The following COP1 variants were observed in gnomAD, a reference collection of about 807,000 sequenced individuals.
COP1 encodes E3 ubiquitin-protein ligase COP1.
Under a neutral mutation model 101.3 loss-of-function variants are expected in COP1, and 24 were observed. The ratio of observed to expected loss-of-function variants is 0.24; its 90% CI spans 0.17 to 0.33. The LOEUF (loss-of-function observed/expected upper bound fraction) is 0.33. COP1 is among the 10% of genes least tolerant of loss of function. The pLI, the probability that COP1 is intolerant of heterozygous loss-of-function variation, is 1.00. For missense variants in COP1, 663 were observed against 906.2 expected (o/e 0.73, Z 3.45); for synonymous variants, 347 against 341.9 (o/e 1.01, Z -0.17).
chr1:176,049,178 CAAAAAAAAA>C (rs61267982), intron 11 of COP1, among the ~76,000 whole-genome samples: 2,384 of 118,336 alleles, frequency 0.02, 29 homozygotes, highest in Non-Finnish European at 0.028. Context: ...GACTCCGTCT[CAAAAAAAAA>C]AAAAAAAAAA....
In COP1 at chr1:176,003,669, G is replaced by A. The variant is rs1236229780; in HGVS notation, c.1730-14190C>T. ...AGAGATCAGATAGTTGTAGATACGT[G>A]GCGTTATTTCTGAGGGCTCTGTTCT... is the stretch of plus-strand genomic sequence containing the variant. On this transcript the variant is annotated intron_variant, in intron 15 of 19. Coordinates refer to ENST00000367669, the MANE Select transcript of COP1 (RefSeq NM_022457.7). Among the ~76,000 whole-genome samples the A allele has an allele frequency of 4.6e-5, 7 of 152,150 alleles. No individual in the cohort carries two copies. The East Asian group carries it at 9.7e-4, about 21-fold the overall frequency.
chr1:176,187,827 G>C (rs72715137), intron 1 of COP1, among the ~76,000 whole-genome samples: 1 of 152,074 alleles, frequency 6.6e-6, no homozygotes, highest in Non-Finnish European at 1.5e-5. Context: ...ATATACATTA[G>C]TAATAGGACT....
intron 18 of COP1, among the ~76,000 whole-genome samples, chr1:175,966,246 T>A (rs959706479): frequency 6.6e-6 from 1 of 151,592 alleles, no homozygotes; most frequent in East Asian, 1.9e-4. Context: ...TCCAAGGGGG[T>A]TGAGTGAATT....
intron 18 of COP1, among the ~76,000 whole-genome samples, chr1:175,957,663 T>G (rs957531023): frequency 6.6e-6 from 1 of 152,192 alleles, no homozygotes; most frequent in Admixed American, 6.6e-5. Flanking sequence ...CTCTACAATC[T>G]CATAATGCCA....
chr1:176,139,926 G>T (rs988883657), intron 6 of COP1, among the ~76,000 whole-genome samples: 1 of 151,986 alleles, frequency 6.6e-6, no homozygotes, highest in Non-Finnish European at 1.5e-5. Context: ...TAAGAAACCC[G>T]TACATGTACT....
chr1:176,197,633 T>C (rs1057268213), intron 1 of COP1, among the ~76,000 whole-genome samples: 4 of 152,106 alleles, frequency 2.6e-5, no homozygotes, highest in South Asian at 2.1e-4. Context: ...CACTCACTAA[T>C]AAAGGTCCAA....
chr1:176,023,727 A>G, intron 15 of COP1, among the ~76,000 whole-genome samples: 1 of 150,806 alleles, frequency 6.6e-6, no homozygotes, highest in Non-Finnish European at 1.5e-5. Context: ...TCAAAAAAAA[A>G]AAAAAAAAAA....
chr1:176,102,452 A>G (rs1424481258), intron 9 of COP1, among the ~76,000 whole-genome samples: 1 of 152,190 alleles, frequency 6.6e-6, no homozygotes, highest in East Asian at 1.9e-4. Flanking sequence ...CAAAGTTCTG[A>G]AACTGCCACT....
chr1:176,181,410 T>C, intron 2 of COP1, among the ~76,000 whole-genome samples: 1 of 132,940 alleles, frequency 7.5e-6, no homozygotes, highest in East Asian at 2.5e-4. Flanking sequence ...TATAAACTTT[T>C]GCTTTAAACA....
intron 15 of COP1, among the ~76,000 whole-genome samples, chr1:175,998,063 TAAAAAAAA>T (rs57110017): frequency 2.0e-3 from 135 of 66,814 alleles, no homozygotes; most frequent in African/African-American, 8.4e-3. Context: ...AGAGTATAAT[TAAAAAAAA>T]AAAAAAAAAA....
At position 176,134,946 on chromosome 1, in the gene COP1, G is replaced by A. The variant is rs1021216069; in HGVS notation, c.968+64C>T. 2.3e-5 allele frequency: 28 copies of A among 1,221,746 alleles called. No individual in the cohort carries two copies. The Middle Eastern group carries it at 7.5e-4, about 33-fold the overall frequency. The allele number at this position is 1,221,746 out of a possible 1,614,324, so 75.7% of individuals were successfully genotyped here. A position where few individuals can be genotyped will look rare whatever the true frequency, so the allele number is the denominator to read the frequency against. On this transcript the variant is annotated intron_variant, in intron 8 of 19. Transcript: ENST00000367669. Reference sequence around the variant, plus strand: ...ACACTGCATGGAAAAGGCTCCTAAAGGACTAGACCATATGCATACTTTGTA... The same window carrying A: ...ACACTGCATGGAAAAGGCTCCTAAAAGACTAGACCATATGCATACTTTGTA...
intron 1 of COP1, among the ~76,000 whole-genome samples, chr1:176,198,445 A>G (rs775372656): frequency 2.6e-5 from 4 of 152,198 alleles, no homozygotes; most frequent in Admixed American, 2.0e-4. Context: ...TACCAAACAC[A>G]GTGTATAAAA....
chr1:176,077,699 A>G lies in COP1; in HGVS notation c.1277+3453T>C, dbSNP rs186996186. Among the ~76,000 whole-genome samples the G allele has an allele frequency of 2.2e-4, 33 of 152,314 alleles. No individual in the cohort carries two copies. The East Asian group carries it at 5.4e-3, about 25-fold the overall frequency. On this transcript the variant is annotated intron_variant, in intron 11 of 19. Coordinates refer to ENST00000367669, the MANE Select transcript of COP1 (RefSeq NM_022457.7). Reference sequence around the variant, plus strand: ...ATAAATGGCATCCAAATAGGAAAAGATTAAGTCAAATTATCTCTCTTCACT... The same window carrying G: ...ATAAATGGCATCCAAATAGGAAAAGGTTAAGTCAAATTATCTCTCTTCACT...
chr1:176,066,934 A>G (rs1341080791), intron 11 of COP1, among the ~76,000 whole-genome samples: 1 of 152,112 alleles, frequency 6.6e-6, no homozygotes, highest in Non-Finnish European at 1.5e-5. Context: ...CCCCTATCCA[A>G]CTTTCCCAGG....
At chr1:176,088,861 G>A (rs537154629) in intron 9 of COP1, among the ~76,000 whole-genome samples, 2 of 151,838 alleles carry the variant, frequency 1.3e-5, no homozygotes, top group African/African-American at 2.4e-5. Context: ...CAGGCATCGT[G>A]GTGCATGCCT....
chr1:176,045,888 C>G (rs1347792221), intron 12 of COP1, among the ~76,000 whole-genome samples: 1 of 151,522 alleles, frequency 6.6e-6, no homozygotes, highest in Non-Finnish European at 1.5e-5. Context: ...TCATTCAGTA[C>G]TCCATAGAGT....
intron 9 of COP1, among the ~76,000 whole-genome samples, chr1:176,091,737 A>T (rs1681364608): frequency 6.6e-6 from 1 of 152,112 alleles, no homozygotes; most frequent in African/African-American, 2.4e-5. Flanking sequence ...GGAGGTAAAA[A>T]CGTAAGAAAA....
At chr1:176,156,152 G>C (rs528445763) in intron 5 of COP1, among the ~76,000 whole-genome samples, 2 of 152,052 alleles carry the variant, frequency 1.3e-5, no homozygotes, top group Non-Finnish European at 2.9e-5. Flanking sequence ...AAAAAAAGGG[G>C]AAGTTTAGTA....
intron 8 of COP1, among the ~76,000 whole-genome samples, chr1:176,133,225 C>T (rs1197820075): frequency 1.8e-5 from 1 of 55,514 alleles, no homozygotes; most frequent in Admixed American, 2.1e-4. Flanking sequence ...TACGTATATA[C>T]GTACGTATAT....
Sources: gnomAD v4.1 joint callset for allele counts (sites outside exome capture counted in the v4.1 genomes callset) on GRCh38, gnomAD v4.1.1 for gene constraint, MANE v1.5 for transcripts, NCBI Gene and HGNC (gene_info 2026-07-23, HGNC 2026-07-21) for gene names.